The following EVI5 variants were observed in gnomAD, a reference collection of about 807,000 sequenced individuals.
The protein encoded by EVI5 is ecotropic viral integration site 5.
EVI5 carries 73 observed loss-of-function variants against 112.0 expected under a neutral mutation model. The observed-to-expected ratio is 0.65, with a 90% CI of 0.54 to 0.79. The LOEUF (loss-of-function observed/expected upper bound fraction) is 0.79, where lower values mean the gene tolerates loss of function less well. EVI5 is among the 30% of genes least tolerant of loss of function. The probability of loss-of-function intolerance (pLI) is 0.00; values close to 1 mark genes in which losing one functional copy is unlikely to be tolerated. For synonymous variants in EVI5, 305 were observed against 319.9 expected, an observed-to-expected ratio of 0.95 and a Z score of 0.50; for missense variants, 900 against 968.8, an observed-to-expected ratio of 0.93 and a Z score of 0.94.
intron 18 of EVI5, among the ~76,000 whole-genome samples, chr1:92,573,369 A>T (rs1670591589): frequency 6.6e-6 from 1 of 152,160 alleles, no homozygotes; most frequent in South Asian, 2.1e-4. Context: ...TTTAAAACAT[A>T]AATTCAAAAT....
In EVI5 at chr1:92,721,042, G is replaced by A. The variant is rs187403794; in HGVS notation, c.149+15356C>T. Among the ~76,000 whole-genome samples the A allele has an allele frequency of 2.4e-3, 371 of 152,292 alleles. 3 individuals carry two copies. The highest frequency in any genetic ancestry group is 8.3e-3 in the African/African-American group (346 of 41,542). On this transcript the variant is annotated intron_variant, in intron 2 of 19. Coordinates refer to ENST00000684568, the MANE Select transcript of EVI5 (RefSeq NM_001350197.2). ...TCAGGAAACAACAGATGCTGGAGAG[G>A]ATGTGGAGAAATAGGAATGCTTTTA...
chr1:92,551,040 C>CTTTTTTTTTTTTTTTTTTTTTTTTTTTTT (rs55898086), intron 19 of EVI5, among the ~76,000 whole-genome samples: 4 of 80,702 alleles, frequency 5.0e-5, no homozygotes, highest in East Asian at 4.6e-4. Flanking sequence ...TTCTTTCTTT[C>CTTTTTTTTTTTTTTTTTTTTTTTTTTTTT]TTTTTTTTTT....
intron 10 of EVI5, among the ~76,000 whole-genome samples, chr1:92,667,966 G>A (rs1440143042): frequency 1.3e-5 from 2 of 152,028 alleles, no homozygotes; most frequent in Non-Finnish European, 2.9e-5. Flanking sequence ...ACTCAATCAA[G>A]GGCCTTCTTC....
chr1:92,637,462 CG>C (rs148848416), intron 13 of EVI5, among the ~76,000 whole-genome samples: 3,949 of 151,962 alleles, frequency 0.026, 130 homozygotes, highest in African/African-American at 0.074. Context: ...AAATTAACCA[CG>C]GAAGCACGCA....
rs143945813 is a variant in EVI5 at position 92,555,549 on chromosome 1, T to C, written c.2166+8093A>G. On this transcript the variant is annotated intron_variant, in intron 19 of 19. Transcript: ENST00000684568. Reference sequence around the variant, plus strand: ...AAAAGGAAATAAAGACTGGTAGAAATAGAAATAAGAATAAGCATGGCCGGG... The same window carrying C: ...AAAAGGAAATAAAGACTGGTAGAAACAGAAATAAGAATAAGCATGGCCGGG... Among the ~76,000 whole-genome samples, 45 of 152,070 alleles carry C rather than the reference T, an allele frequency of 3.0e-4. No individual in the cohort carries two copies. The East Asian group carries it at 7.7e-3, about 26-fold the overall frequency.
chr1:92,540,306 C>G (rs1664587269), intron 19 of EVI5, among the ~76,000 whole-genome samples: 1 of 152,166 alleles, frequency 6.6e-6, no homozygotes, highest in African/African-American at 2.4e-5. Flanking sequence ...TTTCTATCAG[C>G]TGTGTATGAG....
rs985907486 is a variant in EVI5, at chr1:92,784,402, A to G, written c.-82+434T>C. ...AGACACGCCATGCGCAGAATCCCGGAGGCCAAGTAAAGACGCCAACTTTGC... is the reference window on the plus strand; with the variant it reads ...AGACACGCCATGCGCAGAATCCCGGGGGCCAAGTAAAGACGCCAACTTTGC... On this transcript the variant is annotated intron_variant, in intron 1 of 19. Coordinates refer to ENST00000684568, the MANE Select transcript of EVI5 (RefSeq NM_001350197.2). 9 of 985,206 alleles carry G rather than the reference A, an allele frequency of 9.1e-6. No homozygotes were observed. The Admixed American group carries it at 4.3e-4, about 47-fold the overall frequency. The allele number at this position is 985,206 out of a possible 1,614,324, so 61.0% of individuals were successfully genotyped here.
rs541944529 is a variant in EVI5 at position 92,792,136 on chromosome 1, C to T, written c.51+208G>A. Among the ~76,000 whole-genome samples the T allele has an allele frequency of 7.9e-5, 12 of 152,280 alleles. No individual in the cohort carries two copies. The East Asian group carries it at 2.1e-3, about 27-fold the overall frequency. On this transcript the variant is annotated intron_variant, in intron 1 of 17. Coordinates refer to the EVI5 transcript ENST00000370331. The stretch of plus-strand genomic sequence containing the variant: ...AGGTATGGAATTAAACCTAACACTT[C>T]ATAAATTTTGTTCATCACTCGAATG...
chr1:92,791,273 C>T (rs1014301601), intron 1 of EVI5, among the ~76,000 whole-genome samples: 2 of 152,194 alleles, frequency 1.3e-5, no homozygotes, highest in Non-Finnish European at 2.9e-5. Context: ...CTAGTAACTT[C>T]TACATTCATG....
rs200157317 is a variant in EVI5, at chr1:92,702,197, G to A, written c.583C>T (p.Arg195Cys). The change falls in exon 5 of 20, where the codon CGT becomes TGT. Residue 195 changes from arginine to cysteine, a missense_variant. By Grantham distance (180) the Arg-to-Cys change is radical. Coordinates refer to ENST00000684568, the MANE Select transcript of EVI5 (RefSeq NM_001350197.2). ...CTTCCTTGACAGTAACCAACCTCAC[G>A]ATCTACTAAAGAGTAAGCCTAAAAA... ...NVMKAYSLVD[R>C]EVGYCQGSAF... 31 of 1,504,974 alleles carry A rather than the reference G, an allele frequency of 2.1e-5. No homozygotes were observed. Among genetic ancestry groups the A allele is most frequent in the Middle Eastern group, 1.7e-4 (1 of 5,804 alleles). The allele number at this position is 1,504,974 out of a possible 1,614,324, so 93.2% of individuals were successfully genotyped here.
intron 19 of EVI5, among the ~76,000 whole-genome samples, chr1:92,559,189 G>T (rs1289167774): frequency 6.6e-6 from 1 of 152,018 alleles, no homozygotes; most frequent in Admixed American, 6.6e-5. Flanking sequence ...TAATGATAAG[G>T]AATAAAATTT....
intron 2 of EVI5, among the ~76,000 whole-genome samples, chr1:92,724,310 C>T (rs971057908): frequency 6.6e-6 from 1 of 151,950 alleles, no homozygotes; most frequent in African/African-American, 2.4e-5. Flanking sequence ...TCAGACCGGC[C>T]GACACTTAGG....
intron 1 of EVI5, among the ~76,000 whole-genome samples, chr1:92,749,678 A>C (rs2102914123): frequency 6.6e-6 from 1 of 152,254 alleles, no homozygotes; most frequent in South Asian, 2.1e-4. Flanking sequence ...GTATTCACTT[A>C]ATTAGCCAAA....
chr1:92,567,998 T>C lies in EVI5; in HGVS notation c.2071-4261A>G, dbSNP rs560344091. Among the ~76,000 whole-genome samples the C allele has an allele frequency of 3.3e-5, 5 of 152,324 alleles. No individual in the cohort carries two copies. The South Asian group carries it at 1.0e-3, about 32-fold the overall frequency. Reference sequence around the variant, plus strand: ...TAACAGAGATACTAAGTCAGAGTCCTAATCAAATAATCTCTGAGGCCTTCC... The same window carrying C: ...TAACAGAGATACTAAGTCAGAGTCCCAATCAAATAATCTCTGAGGCCTTCC... On this transcript the variant is annotated intron_variant, in intron 18 of 19. Transcript: ENST00000684568.
At chr1:92,692,036 A>G (rs567715379) in intron 9 of EVI5, among the ~76,000 whole-genome samples, 4 of 152,324 alleles carry the variant, frequency 2.6e-5, no homozygotes, top group Admixed American at 1.3e-4. Flanking sequence ...TAACTATGCA[A>G]TAACAATTGG....
chr1:92,572,225 G>A (rs943317227), intron 18 of EVI5, among the ~76,000 whole-genome samples: 7 of 152,022 alleles, frequency 4.6e-5, no homozygotes, highest in African/African-American at 1.7e-4. Context: ...GTGTTTAGGG[G>A]TAAAGTATAA....
intron 2 of EVI5, among the ~76,000 whole-genome samples, chr1:92,712,322 C>G (rs1672969674): frequency 2.0e-5 from 3 of 152,028 alleles, no homozygotes; most frequent in Non-Finnish European, 4.4e-5. Flanking sequence ...ACAGGGATTT[C>G]TCTAGTTCTG....
Position 92,744,592 on chromosome 1 carries a change from TCTCTCTCTCACACACACA to T in EVI5, c.-81-7983_-81-7966del, listed in dbSNP as rs1236812599. On this transcript the variant is annotated intron_variant, in intron 1 of 19. Transcript: ENST00000684568. ...AATATAATTATGCCAAATATCTCTC[TCTCTCTCTCACACACACA>T]CACACACACACACACACACACACAC... Among the ~76,000 whole-genome samples the T allele has an allele frequency of 3.2e-3, 47 of 14,904 alleles. No homozygotes were observed. In the East Asian group the frequency reaches 0.09, roughly 29 times the overall value. The allele number at this position is 14,904 out of a possible 152,430, so 9.8% of individuals were successfully genotyped here. A position where few individuals can be genotyped will look rare whatever the true frequency, so the allele number is the denominator to read the frequency against.
intron 1 of EVI5, among the ~76,000 whole-genome samples, chr1:92,766,599 A>G (rs1682673982): frequency 6.6e-6 from 1 of 152,166 alleles, no homozygotes. Context: ...TAATCCTCCA[A>G]AAGGGTAAAT....
Sources: gnomAD v4.1 joint callset for allele counts (sites outside exome capture counted in the v4.1 genomes callset) on GRCh38, gnomAD v4.1.1 for gene constraint, MANE v1.5 for transcripts, NCBI Gene and HGNC (gene_info 2026-07-23, HGNC 2026-07-21) for gene names.